CHCHD3: variants seen among roughly 807,000 people sequenced by gnomAD.
CHCHD3 encodes the protein MICOS complex subunit MIC19.
CHCHD3 carries 20 observed loss-of-function variants against 38.2 expected under a neutral mutation model. The observed-to-expected ratio is 0.52, with a 90% confidence interval of 0.37 to 0.76. The LOEUF (loss-of-function observed/expected upper bound fraction) is 0.76, where lower values mean the gene tolerates loss of function less well. CHCHD3 is among the 30% of genes least tolerant of loss of function. The pLI is 0.00. For synonymous variants in CHCHD3, 82 were observed against 100.0 expected (o/e 0.82, Z 1.07); for missense variants, 245 against 279.2 (o/e 0.88, Z 0.87).
chr7:132,912,098 T>C (rs1809966780), intron 4 of CHCHD3, among the ~76,000 whole-genome samples: 1 of 152,228 alleles, frequency 6.6e-6, no homozygotes, highest in Non-Finnish European at 1.5e-5. Context: ...TATCCATTAA[T>C]ATGTAATGTA....
chr7:132,796,945 TC>T (rs1806633791), intron 6 of CHCHD3, among the ~76,000 whole-genome samples: 1 of 152,134 alleles, frequency 6.6e-6, no homozygotes, highest in African/African-American at 2.4e-5. Flanking sequence ...GGCCTGGTCC[TC>T]CTGCTCCACA....
At chr7:132,962,543 T>C (rs1160855117) in intron 4 of CHCHD3, among the ~76,000 whole-genome samples, 1 of 152,198 alleles carries the variant, frequency 6.6e-6, no homozygotes, top group Admixed American at 6.5e-5. Context: ...AAATTATTGT[T>C]CAAAAATTGT....
intron 6 of CHCHD3, among the ~76,000 whole-genome samples, chr7:132,807,459 G>T (rs952408628): frequency 1.3e-5 from 2 of 151,928 alleles, no homozygotes; most frequent in African/African-American, 4.8e-5. Flanking sequence ...AAACAGACGT[G>T]CAGTAAAATG....
At chr7:132,976,163 T>G (rs1811763456) in intron 3 of CHCHD3, among the ~76,000 whole-genome samples, 1 of 152,100 alleles carries the variant, frequency 6.6e-6, no homozygotes, top group Non-Finnish European at 1.5e-5. Flanking sequence ...ATATTACCCC[T>G]ATTTTCCAAC....
intron 3 of CHCHD3, among the ~76,000 whole-genome samples, chr7:132,983,014 C>T (rs1811958849): frequency 1.3e-5 from 2 of 151,942 alleles, no homozygotes; most frequent in Non-Finnish European, 2.9e-5. Context: ...AAAATATATA[C>T]GAATCTATTA....
chr7:133,060,754 C>CA (rs1814481568), intron 2 of CHCHD3, among the ~76,000 whole-genome samples: 1 of 151,956 alleles, frequency 6.6e-6, no homozygotes, highest in African/African-American at 2.4e-5. Flanking sequence ...ACTAAAAATA[C>CA]AAAAAATTAG....
chr7:132,809,849 G>A (rs1005558897), intron 6 of CHCHD3, among the ~76,000 whole-genome samples: 1 of 152,178 alleles, frequency 6.6e-6, no homozygotes, highest in African/African-American at 2.4e-5. Context: ...ATCTACAGCA[G>A]CGATAAGTTT....
intron 4 of CHCHD3, among the ~76,000 whole-genome samples, chr7:132,900,454 A>G: frequency 6.6e-6 from 1 of 152,150 alleles, no homozygotes; most frequent in East Asian, 1.9e-4. Flanking sequence ...ACCCTCACAG[A>G]GTGAGCATCT....
At chr7:132,913,976 G>A (rs1351419450) in intron 4 of CHCHD3, among the ~76,000 whole-genome samples, 1 of 144,764 alleles carries the variant, frequency 6.9e-6, no homozygotes, top group African/African-American at 2.6e-5. Context: ...TTTTGAGATG[G>A]AGTCTTGCTC....
At chr7:132,987,673 G>C (rs963056647) in intron 3 of CHCHD3, among the ~76,000 whole-genome samples, 5 of 152,158 alleles carry the variant, frequency 3.3e-5, no homozygotes, top group Non-Finnish European at 7.3e-5. Context: ...TTTTATGACA[G>C]GGACCCATCT....
intron 5 of CHCHD3, among the ~76,000 whole-genome samples, chr7:132,883,843 T>A (rs1562895830): frequency 6.6e-6 from 1 of 152,172 alleles, no homozygotes. Context: ...GAGCTTAACA[T>A]ATCCACAATC....
chr7:132,946,674 T>C (rs1478729367), intron 4 of CHCHD3, among the ~76,000 whole-genome samples: 1 of 151,886 alleles, frequency 6.6e-6, no homozygotes, highest in African/African-American at 2.4e-5. Context: ...GAGTAAAACC[T>C]GGTATATATC....
At chr7:133,034,304 A>G (rs1051167031) in intron 2 of CHCHD3, among the ~76,000 whole-genome samples, 4 of 152,188 alleles carry the variant, frequency 2.6e-5, no homozygotes, top group African/African-American at 4.8e-5. Context: ...TCCTTTTTGA[A>G]ATTAAGGAAG....
chr7:132,973,143 C>T (rs1246201489), intron 4 of CHCHD3: 1 of 985,166 alleles, frequency 1.0e-6, no homozygotes, highest in South Asian at 4.7e-5. Flanking sequence ...GAGAGTAAGA[C>T]AGTATGTCCA....
intron 5 of CHCHD3, among the ~76,000 whole-genome samples, chr7:132,868,370 G>T (rs1356174629): frequency 6.6e-6 from 1 of 151,988 alleles, no homozygotes; most frequent in African/African-American, 2.4e-5. Context: ...TAATTTTAAT[G>T]AAATTAAAAT....
intron 5 of CHCHD3, among the ~76,000 whole-genome samples, chr7:132,877,931 T>C (rs547153735): frequency 2.0e-4 from 30 of 152,202 alleles, no homozygotes; most frequent in Non-Finnish European, 3.8e-4. Flanking sequence ...AAATTTACTC[T>C]GTCACATTGC....
chr7:132,899,501 A>G (rs914644505), intron 4 of CHCHD3, among the ~76,000 whole-genome samples: 4 of 152,244 alleles, frequency 2.6e-5, no homozygotes, highest in Admixed American at 2.6e-4. Flanking sequence ...TTAACACAAA[A>G]CAAAATGATG....
At chr7:133,016,632 T>C (rs879600448) in intron 3 of CHCHD3, among the ~76,000 whole-genome samples, 4 of 152,142 alleles carry the variant, frequency 2.6e-5, no homozygotes, top group Non-Finnish European at 5.9e-5. Flanking sequence ...GGAGAGAAAA[T>C]TTACATTTGA....
chr7:132,806,272 G>C (rs976355843), intron 6 of CHCHD3, among the ~76,000 whole-genome samples: 1 of 152,198 alleles, frequency 6.6e-6, no homozygotes, highest in Admixed American at 6.5e-5. Context: ...AGCAGAGAGC[G>C]TGAGGCAGAA....
Sources: allele counts gnomAD v4.1 joint callset (sites outside exome capture counted in the v4.1 genomes callset), GRCh38; gene constraint gnomAD v4.1.1; transcripts MANE v1.5; gene names NCBI Gene and HGNC (gene_info 2026-07-23, HGNC 2026-07-21).